Variants in TTLL4 observed in about 807,000 individuals in gnomAD.
The protein encoded by TTLL4 is tubulin monoglutamylase TTLL4.
In TTLL4, 85 loss-of-function variants were observed where a neutral mutation model predicts 122.7. The observed-to-expected ratio is 0.69, with a 90% CI of 0.58 to 0.83. The LOEUF (loss-of-function observed/expected upper bound fraction) is 0.83. Among genes scored for constraint, TTLL4 ranks in the 40% least tolerant of loss-of-function variants. The probability of loss-of-function intolerance (pLI) is 0.00; values close to 1 mark genes in which losing one functional copy is unlikely to be tolerated. For synonymous variants in TTLL4, 553 were observed against 563.0 expected, an observed-to-expected ratio of 0.98 and a Z score of 0.25; for missense variants, 1,363 against 1,488.6, an observed-to-expected ratio of 0.92 and a Z score of 1.39.
chr2:218,758,068 C>T (rs924261613), downstream of TTLL4, among the ~76,000 whole-genome samples: 46 of 152,080 alleles, frequency 3.0e-4, no homozygotes, highest in Admixed American at 2.8e-3. Flanking sequence ...CATTAATATC[C>T]GGGGATCTAT....
chr2:218,713,649 T>C (rs759384411), intron 1 of TTLL4, among the ~76,000 whole-genome samples: 1 of 152,154 alleles, frequency 6.6e-6, no homozygotes, highest in Non-Finnish European at 1.5e-5. Context: ...AGTAAAATCA[T>C]GTAAAGAATA....
At chr2:218,758,803 G>T (rs1237485081), downstream of TTLL4, among the ~76,000 whole-genome samples, 2 of 152,178 alleles carry the variant, frequency 1.3e-5, no homozygotes, top group African/African-American at 4.8e-5. Flanking sequence ...TGTCCTTAAC[G>T]TATGACCTAG....
intron 1 of TTLL4, among the ~76,000 whole-genome samples, chr2:218,724,616 T>A (rs1415225367): frequency 6.6e-6 from 1 of 152,232 alleles, no homozygotes; most frequent in Non-Finnish European, 1.5e-5. Context: ...CATTCTTTGT[T>A]TATGGCTCCA....
At chr2:218,739,556 G>A (rs1207288725) in intron 3 of TTLL4, among the ~76,000 whole-genome samples, 1 of 152,214 alleles carries the variant, frequency 6.6e-6, no homozygotes, top group African/African-American at 2.4e-5. Context: ...AGAATTGTGA[G>A]CACCAAATGT....
At chr2:218,751,899 C>CTTTTTTTTTTTTTTTT (rs759034468) in intron 16 of TTLL4, 93 bp downstream of exon 16, 1 of 488,306 alleles carries the variant, frequency 2.0e-6, no homozygotes, top group Non-Finnish European at 3.0e-6. Flanking sequence ...TTTTTTTTTT[C>CTTTTTTTTTTTTTTTT]TTTTCTTTTT....
chr2:218,748,670 A>AAAG lies in TTLL4; in HGVS notation c.2502-164_2502-163insGAA. 3 of 573,138 alleles carry AAAG rather than the reference A, an allele frequency of 5.2e-6. No individual in the cohort carries two copies. The South Asian group carries it at 7.4e-5, about 14-fold the overall frequency. The allele number at this position is 573,138 out of a possible 1,614,324, so 35.5% of individuals were successfully genotyped here. A position where few individuals can be genotyped will look rare whatever the true frequency, so the allele number is the denominator to read the frequency against. On this transcript the variant is annotated intron_variant, in intron 12 of 19. Coordinates refer to ENST00000392102, the MANE Select transcript of TTLL4 (RefSeq NM_014640.5). ...ACTCCATCTCAAAAAAAAAAAAAAA[A>AAAG]AAAAAGAATTGGTCTATTTGCATCC...
At chr2:218,719,426 A>G (rs1213336342) in intron 1 of TTLL4, among the ~76,000 whole-genome samples, 3 of 152,162 alleles carry the variant, frequency 2.0e-5, no homozygotes, top group African/African-American at 7.2e-5. Context: ...GGTAAATAAA[A>G]TATGGTAAGG....
chr2:218,746,697 T>C, intron 8 of TTLL4: 1 of 425,328 alleles, frequency 2.4e-6, no homozygotes, highest in Non-Finnish European at 4.2e-6. Context: ...CCAGACTTAC[T>C]AAAGGCGAAA....
rs1283870977 is a variant in TTLL4, at chr2:218,738,410, C to T, written c.734C>T (p.Pro245Leu). 1 of 1,614,180 alleles carries T rather than the reference C, an allele frequency of 6.2e-7. No homozygotes were observed. Among genetic ancestry groups the T allele is most frequent in the South Asian group, 1.1e-5 (1 of 91,088 alleles). The change falls in exon 3 of 20, where the codon CCC becomes CTC. Residue 245 changes from proline (P) to leucine (L), a missense_variant. Pro to Leu is a moderately conservative substitution (Grantham distance 98). Transcript: ENST00000392102. ...TTQGLKPVSP[P>L]KIQPVSWHHS... ...CAGGGCCTGAAGCCAGTATCGCCACCCAAGATCCAGCCTGTCTCCTGGCAT... is the reference window on the plus strand; with the variant it reads ...CAGGGCCTGAAGCCAGTATCGCCACTCAAGATCCAGCCTGTCTCCTGGCAT...
At position 218,738,625 on chromosome 2, in the gene TTLL4, C is replaced by CT; in HGVS notation, c.952dup (p.Ser318PhefsTer6). 2 of 1,614,234 alleles carry CT rather than the reference C, an allele frequency of 1.2e-6. No individual in the cohort carries two copies. Among genetic ancestry groups the CT allele is most frequent in the Non-Finnish European group, 1.7e-6 (2 of 1,180,048 alleles). On this transcript the variant is annotated frameshift_variant, in exon 3 of 20. Transcript: ENST00000392102. LOFTEE classifies it high-confidence loss of function. Reference sequence around the variant, plus strand: ...TAACTTAGCCATGAGGGCAGAGCCACTTTCCTGTGCTCTGGATGACAGCTC... The same window carrying CT: ...TAACTTAGCCATGAGGGCAGAGCCACTTTTCCTGTGCTCTGGATGACAGCTC...
Position 218,747,269 on chromosome 2 carries a change from T to G in TTLL4, c.2167-21T>G, listed in dbSNP as rs374109692. The stretch of plus-strand genomic sequence containing the variant: ...CAGAGTATTGGACCTGGAGCAAATC[T>G]CATCTCCTTTCTGCTCCTAGCCAGC... On this transcript the variant is annotated intron_variant, in intron 9 of 19. Coordinates refer to ENST00000392102, the MANE Select transcript of TTLL4 (RefSeq NM_014640.5). The surrounding 1 kb of genome is among the most constrained non-coding windows in gnomAD (Gnocchi z 4.7). 138 of 1,614,024 alleles carry G rather than the reference T, an allele frequency of 8.6e-5. No homozygotes were observed. Among genetic ancestry groups the G allele is most frequent in the Non-Finnish European group, 1.1e-4 (126 of 1,180,026 alleles).
At chr2:218,748,023 T>C in intron 11 of TTLL4, 82 bp from the exon 12 acceptor site, 4 of 1,570,162 alleles carry the variant, frequency 2.5e-6, no homozygotes, top group Non-Finnish European at 3.5e-6. Flanking sequence ...CTACACCTCT[T>C]CAGGATTTGG....
chr2:218,724,341 T>TA (rs986333831), intron 1 of TTLL4, among the ~76,000 whole-genome samples: 16 of 152,208 alleles, frequency 1.1e-4, no homozygotes, highest in Non-Finnish European at 2.2e-4. Flanking sequence ...TCTTTGAAAT[T>TA]ATACTGGTAG....
Position 218,738,594 on chromosome 2 carries a change from C to T in TTLL4, c.918C>T (p.Asn306=), listed in dbSNP as rs1401284719. The T allele has an allele frequency of 3.7e-6, 6 of 1,614,224 alleles. No homozygotes were observed. Among genetic ancestry groups the T allele is most frequent in the Non-Finnish European group, 5.1e-6 (6 of 1,180,042 alleles). Residue 306 remains asparagine (N), a synonymous_variant, in exon 3 of 20, where the codon AAC becomes AAT. Transcript: ENST00000392102. ...STTSVASSWY[N]RNNLAMRAEP... is the part of the protein sequence containing the mutation. ...CCAGTGTTGCCTCTTCCTGGTATAA[C>T]CGGAATAACTTAGCCATGAGGGCAG... is the stretch of plus-strand genomic sequence containing the variant.
At chr2:218,740,799 C>T (rs1263815682) in intron 5 of TTLL4, among the ~76,000 whole-genome samples, 5 of 152,126 alleles carry the variant, frequency 3.3e-5, no homozygotes, top group Admixed American at 6.6e-5. Context: ...ATGGGCCAGG[C>T]GCAGTGGCTC....
chr2:218,739,088 C>T lies in TTLL4; in HGVS notation c.1412C>T (p.Ser471Phe), dbSNP rs1347356635. 6.2e-7 allele frequency: 1 copy of T among 1,614,168 alleles called. No homozygotes were observed. Among genetic ancestry groups the T allele is most frequent in the Non-Finnish European group, 8.5e-7 (1 of 1,180,040 alleles). Residue 471 changes from serine (S) to phenylalanine (F), a missense_variant, in exon 3 of 20, where the codon TCC becomes TTC. Physicochemically the swap from Ser to Phe is radical, Grantham distance 155. Coordinates refer to ENST00000392102, the MANE Select transcript of TTLL4 (RefSeq NM_014640.5). Reference sequence around the variant, plus strand: ...GCCAACGTGGCCACCCGCCTCTCTTCCATCCAGCTGGGCCAGTCTGAGAAG... The same window carrying T: ...GCCAACGTGGCCACCCGCCTCTCTTTCATCCAGCTGGGCCAGTCTGAGAAG... ...GIANVATRLS[S>F]IQLGQSEKER... is the part of the protein sequence containing the mutation.
At chr2:218,743,473 A>C (rs890340245) in intron 5 of TTLL4, among the ~76,000 whole-genome samples, 1 of 152,088 alleles carries the variant, frequency 6.6e-6, no homozygotes, top group Non-Finnish European at 1.5e-5. Flanking sequence ...GGTTGTTTTC[A>C]GGTTTTGGCT....
At chr2:218,714,429 C>G (rs565361414) in intron 1 of TTLL4, among the ~76,000 whole-genome samples, 47 of 152,316 alleles carry the variant, frequency 3.1e-4, no homozygotes, top group African/African-American at 1.0e-3. Flanking sequence ...ATCATAGTGT[C>G]TGAATTTTAG....
In TTLL4 at chr2:218,716,256, T is replaced by C. The variant is rs528387883; in HGVS notation, c.-178+5219T>C. Among the ~76,000 whole-genome samples, 3 of 152,352 alleles carry C rather than the reference T, an allele frequency of 2.0e-5. No individual in the cohort carries two copies. In the East Asian group the frequency reaches 5.8e-4, roughly 29 times the overall value. ...GTGACAGGCTTACTTTGTTTCATTTTCCAGAACCTTTGCCAAATAATGACG... is the reference window on the plus strand; with the variant it reads ...GTGACAGGCTTACTTTGTTTCATTTCCCAGAACCTTTGCCAAATAATGACG... On this transcript the variant is annotated intron_variant, in intron 1 of 19. Coordinates refer to ENST00000392102, the MANE Select transcript of TTLL4 (RefSeq NM_014640.5).
Sources: allele counts gnomAD v4.1 joint callset (sites outside exome capture counted in the v4.1 genomes callset), GRCh38; gene constraint gnomAD v4.1.1; non-coding constraint Gnocchi (gnomAD v3.1); transcripts MANE v1.5; gene names NCBI Gene and HGNC (gene_info 2026-07-23, HGNC 2026-07-21).